The following TFIP11 variants were observed in gnomAD, a reference collection of about 807,000 sequenced individuals.
TFIP11 encodes tuftelin interacting protein 11.
Under a neutral mutation model 96.8 loss-of-function variants are expected in TFIP11, and 86 were observed. That is an observed-to-expected ratio of 0.89 (90% CI 0.75 to 1.06). The LOEUF is 1.06. Ranked by LOEUF, TFIP11 falls within the 50% of genes least tolerant of loss-of-function variation. TFIP11 has a pLI of 0.00. For synonymous variants in TFIP11, 405 were observed against 395.2 expected, an observed-to-expected ratio of 1.02 and a Z score of -0.29; for missense variants, 881 against 1,076.7, an observed-to-expected ratio of 0.82 and a Z score of 2.54.
intron 4 of TFIP11, among the ~76,000 whole-genome samples, chr22:26,509,149 C>T (rs911195373): frequency 1.3e-5 from 2 of 152,152 alleles, no homozygotes; most frequent in Non-Finnish European, 2.9e-5. Context: ...AAAACATAAC[C>T]CAGCCCCACA....
Position 26,496,165 on chromosome 22 carries a change from G to T in TFIP11, c.1757C>A (p.Ser586Tyr). 6.2e-7 allele frequency: 1 copy of T among 1,613,942 alleles called. No individual in the cohort carries two copies. ...GGGCTGGAGGATGAGCTTGGCAGAG[G>T]AGTCGCTGGGGTGCCACTTCTGCAG... ...SALQKWHPSD[S>Y]SAKLILQPWK... The change falls in exon 12 of 15, where the codon TCC (serine) becomes TAC (tyrosine). Residue 586 changes from serine (S) to tyrosine (Y), a missense_variant. Transcript: ENST00000407690.
rs1209045223 is a variant in TFIP11 at position 26,512,419 on chromosome 22, T to C, written c.-198A>G. 1.3e-5 allele frequency: 2 copies of C among 152,270 alleles called. No individual in the cohort carries two copies. Among genetic ancestry groups the C allele is most frequent in the Non-Finnish European group, 1.5e-5 (1 of 68,104 alleles). 9.4% of individuals were successfully genotyped at this position (152,270 alleles called of 1,614,324 possible). ...CTGTCCGAGGGTCCAGCGTACCAAA[T>C]TCAGCTTCACCATCCGCGCGAGAAG... On this transcript the variant is annotated 5_prime_UTR_variant, in exon 1 of 15. Transcript: ENST00000407690.
chr22:26,497,702 C>G (rs941306277), intron 10 of TFIP11, among the ~76,000 whole-genome samples: 3 of 152,032 alleles, frequency 2.0e-5, no homozygotes, highest in African/African-American at 7.2e-5. Context: ...ATGGTGAAAC[C>G]CTGTCTCTAC....
At position 26,494,756 on chromosome 22, in the gene TFIP11, C is replaced by A. The variant is rs1163472645; in HGVS notation, c.1992+41G>T. 6 of 1,613,346 alleles carry A rather than the reference C, an allele frequency of 3.7e-6. No individual in the cohort carries two copies. The Admixed American group carries it at 6.7e-5, about 18-fold the overall frequency. ...GGCAGAAAATTAACTTAATCCCCAC[C>A]CAGTTCCCTCCCCCAGAAATCCAAG... On this transcript the variant is annotated intron_variant, in intron 13 of 14. Coordinates refer to ENST00000407690, the MANE Select transcript of TFIP11 (RefSeq NM_012143.4).
chr22:26,496,812 A>G lies in TFIP11; in HGVS notation c.1514T>C (p.Val505Ala). ...QWQPRNCDPM[V>A]DFLDSWVHII... ...GTGCACCCAACTATCCAAAAAGTCC[A>G]CCATCGGGTCACAGTTCCTTGGCTG... The change falls in exon 11 of 15, where the codon GTG becomes GCG. Residue 505 changes from valine (V) to alanine (A), a missense_variant. Transcript: ENST00000407690. 6.2e-7 allele frequency: 1 copy of G among 1,614,158 alleles called. No homozygotes were observed. Among genetic ancestry groups the G allele is most frequent in the Non-Finnish European group, 8.5e-7 (1 of 1,180,032 alleles).
At chr22:26,494,672 A>G (rs1177110429) in intron 13 of TFIP11, 125 bp downstream of exon 13, 1 of 1,369,332 alleles carries the variant, frequency 7.3e-7, no homozygotes, top group African/African-American at 1.4e-5. Context: ...GACCTAACTC[A>G]TTCCTACCCT....
Position 26,506,908 on chromosome 22 carries a change from G to A in TFIP11, c.230C>T (p.Pro77Leu). Residue 77 changes from proline (P) to leucine (L), a missense_variant, in exon 5 of 15, where the codon CCA (proline) becomes CTA (leucine). Physicochemically the swap from Pro to Leu is moderately conservative, Grantham distance 98. Coordinates refer to ENST00000407690, the MANE Select transcript of TFIP11 (RefSeq NM_012143.4). Reference sequence around the variant, plus strand: ...GAGCCCTGCGCTGATGAAGTTGACTGGCGCAGAGTAGTCACGGGCCCTGTA... The same window carrying A: ...GAGCCCTGCGCTGATGAAGTTGACTAGCGCAGAGTAGTCACGGGCCCTGTA... ...GGKRARDYSA[P>L]VNFISAGLKK... The A allele has an allele frequency of 1.9e-6, 3 of 1,614,176 alleles. No individual in the cohort carries two copies. Among genetic ancestry groups the A allele is most frequent in the Non-Finnish European group, 2.5e-6 (3 of 1,180,026 alleles).
intron 14 of TFIP11, chr22:26,493,436 C>T (rs1171284443): frequency 6.6e-6 from 1 of 152,294 alleles, no homozygotes; most frequent in East Asian, 1.9e-4. Flanking sequence ...CTGGGCTTAT[C>T]TGTAAAACAC....
At chr22:26,503,619 G>A (rs1465640576) in intron 7 of TFIP11, 47 bp downstream of exon 7, 1 of 1,605,564 alleles carries the variant, frequency 6.2e-7, no homozygotes, top group South Asian at 1.1e-5. Context: ...ACAGCCATTA[G>A]AAATGGACAG....
At position 26,496,026 on chromosome 22, in the gene TFIP11, G is replaced by C. The variant is rs1602200234; in HGVS notation, c.1849+47C>G. On this transcript the variant is annotated intron_variant, in intron 12 of 14. Coordinates refer to ENST00000407690, the MANE Select transcript of TFIP11 (RefSeq NM_012143.4). Reference sequence around the variant, plus strand: ...TCATCACTGCTAACCACAGAAACCAGGGCACCAAAGCTGCTGGGCTTGGAA... The same window carrying C: ...TCATCACTGCTAACCACAGAAACCACGGCACCAAAGCTGCTGGGCTTGGAA... 10 of 1,594,394 alleles carry C rather than the reference G, an allele frequency of 6.3e-6. No individual in the cohort carries two copies. The African/African-American group carries it at 8.0e-5, about 13-fold the overall frequency.
In TFIP11 at chr22:26,501,928, G is replaced by A; in HGVS notation, c.773C>T (p.Ala258Val). The A allele has an allele frequency of 6.2e-7, 1 of 1,613,710 alleles. No homozygotes were observed. Among genetic ancestry groups the A allele is most frequent in the Non-Finnish European group, 8.5e-7 (1 of 1,179,928 alleles). Reference protein sequence around the residue: ...AKGRISKKLTAPQKELSQVKV... With the variant: ...AKGRISKKLTVPQKELSQVKV... Reference sequence around the variant, plus strand: ...GACTTGAGAAAGTTCCTTCTGGGGAGCAGTGAGCTTCTTGCTAATCCTGCC... The same window carrying A: ...GACTTGAGAAAGTTCCTTCTGGGGAACAGTGAGCTTCTTGCTAATCCTGCC... The change falls in exon 8 of 15, where the codon GCT becomes GTT. Residue 258 changes from alanine (A) to valine (V), a missense_variant. Coordinates refer to ENST00000407690, the MANE Select transcript of TFIP11 (RefSeq NM_012143.4).
At chr22:26,493,829 A>C (rs1921557956) in intron 14 of TFIP11, 2 of 320,488 alleles carry the variant, frequency 6.2e-6, no homozygotes, top group South Asian at 6.8e-5. Context: ...GGCATGAATG[A>C]GCCTTAAAAG....
Position 26,511,245 on chromosome 22 carries a change from T to C in TFIP11, c.-95-543A>G, listed in dbSNP as rs1452518861. 5.9e-5 allele frequency: 9 copies of C among 152,206 alleles called. No individual in the cohort carries two copies. The East Asian group carries it at 1.5e-3, about 26-fold the overall frequency. 9.4% of individuals were successfully genotyped at this position (152,206 alleles called of 1,614,324 possible). On this transcript the variant is annotated intron_variant, in intron 2 of 14. Transcript: ENST00000407690. The stretch of plus-strand genomic sequence containing the variant: ...GGAAGCATCCAGCACAGGAGAAAGA[T>C]ATAGGCTGGGAGGCTAGGCCAGTCT...
intron 4 of TFIP11, among the ~76,000 whole-genome samples, chr22:26,507,552 C>T (rs185772792): frequency 2.2e-4 from 34 of 151,526 alleles, no homozygotes; most frequent in South Asian, 8.3e-4. Flanking sequence ...ATTGCTTGAG[C>T]CCAGGAAGTT....
chr22:26,509,318 T>C (rs1408358526), intron 4 of TFIP11, among the ~76,000 whole-genome samples: 2 of 152,296 alleles, frequency 1.3e-5, no homozygotes, highest in African/African-American at 2.4e-5. Flanking sequence ...CTGTCAGTCA[T>C]ATCAGCTTAA....
In TFIP11 at chr22:26,499,358, T is replaced by C; in HGVS notation, c.1075A>G (p.Met359Val). The C allele has an allele frequency of 6.2e-7, 1 of 1,614,154 alleles. No individual in the cohort carries two copies. The highest frequency in any genetic ancestry group is 8.5e-7 in the Non-Finnish European group (1 of 1,180,014). ...VVNLFHELEKMTEVLDHEERV... is the reference protein window; with the variant it reads ...VVNLFHELEKVTEVLDHEERV... ...TCCTCGTGGTCCAGGACCTCGGTCA[T>C]CTTCTCCAGCTCGTGGAAGAGGTTG... Residue 359 changes from methionine to valine, a missense_variant, in exon 9 of 15, where the codon ATG becomes GTG. Transcript: ENST00000407690.
chr22:26,498,919 G>T lies in TFIP11; in HGVS notation c.1386C>A (p.Asp462Glu), dbSNP rs1355273240. The T allele has an allele frequency of 6.2e-6, 10 of 1,613,798 alleles. No homozygotes were observed. Among genetic ancestry groups the T allele is most frequent in the Non-Finnish European group, 8.5e-6 (10 of 1,179,980 alleles). Reference protein sequence around the residue: ...ISKWKSLLENDQLLSHGGQDL... With the variant: ...ISKWKSLLENEQLLSHGGQDL... ...CCTGTCCGCCATGGGACAAGAGCTG[G>T]TCATTCTCTAGGAGGCTTTTCCACT... Residue 462 changes from aspartate to glutamate, a missense_variant, in exon 10 of 15, where the codon GAC becomes GAA. Transcript: ENST00000407690.
intron 4 of TFIP11, among the ~76,000 whole-genome samples, chr22:26,509,474 C>T (rs1216727110): frequency 6.6e-6 from 1 of 152,190 alleles, no homozygotes. Flanking sequence ...TGCCTATTTC[C>T]ATCTTCTAAT....
chr22:26,498,806 G>A, intron 10 of TFIP11, 63 bp downstream of exon 10: 1 of 1,365,608 alleles, frequency 7.3e-7, no homozygotes, highest in Non-Finnish European at 1.0e-6. Context: ...CCCACCTTCA[G>A]CAATCCTTCC....
Sources: gnomAD v4.1 joint callset for allele counts (sites outside exome capture counted in the v4.1 genomes callset) on GRCh38, gnomAD v4.1.1 for gene constraint, MANE v1.5 for transcripts, NCBI Gene and HGNC (gene_info 2026-07-23, HGNC 2026-07-21) for gene names.